Variants in FAM162B observed in about 807,000 individuals in gnomAD.
The protein encoded by FAM162B is family with sequence similarity 162 member B.
In FAM162B, 16 loss-of-function variants were observed where a neutral mutation model predicts 20.0. The ratio of observed to expected loss-of-function variants is 0.80; its 90% CI spans 0.54 to 1.21. The LOEUF (loss-of-function observed/expected upper bound fraction) is 1.21. FAM162B is among the 50% of genes most tolerant of loss of function. The pLI is 0.00. For missense variants in FAM162B, 260 were observed against 227.5 expected, an observed-to-expected ratio of 1.14 and a Z score of -0.92; for synonymous variants, 83 against 89.7, an observed-to-expected ratio of 0.93 and a Z score of 0.42.
At chr6:116,762,959 T>C (rs1771821160) in intron 2 of FAM162B, among the ~76,000 whole-genome samples, 1 of 152,076 alleles carries the variant, frequency 6.6e-6, no homozygotes, top group South Asian at 2.1e-4. Flanking sequence ...TTCCTCTCTA[T>C]GTGCAGTTTA....
In FAM162B at chr6:116,765,174, G is replaced by T; in HGVS notation, c.254C>A (p.Ser85Ter). The part of the protein sequence containing the change: ...KILLWTGRFK[S>*]MEEIPPRIPP... The stretch of plus-strand genomic sequence containing the variant: ...GATCCGAGGCGGGATCTCCTCCATC[G>T]ATTTGAAACGCCCTGTCCACAGCAG... The change falls in exon 2 of 4, where the codon TCG (serine) becomes TAG (stop). Residue 85 changes from serine (S) to a stop codon, truncating the protein, a stop_gained. Transcript: ENST00000368557. LOFTEE classifies it high-confidence loss of function. 1 of 1,613,764 alleles carries T rather than the reference G, an allele frequency of 6.2e-7. No individual in the cohort carries two copies.
At chr6:116,759,502 C>T (rs571384842) in intron 3 of FAM162B, among the ~76,000 whole-genome samples, 3 of 151,630 alleles carry the variant, frequency 2.0e-5, no homozygotes, top group Non-Finnish European at 2.9e-5. Flanking sequence ...AGTGACGGAG[C>T]TTCACCGTGT....
chr6:116,758,398 G>A (rs1393909464), intron 3 of FAM162B, among the ~76,000 whole-genome samples: 1 of 152,090 alleles, frequency 6.6e-6, no homozygotes, highest in Non-Finnish European at 1.5e-5. Flanking sequence ...CTGCCTTTTT[G>A]TATCTTTCAC....
intron 3 of FAM162B, among the ~76,000 whole-genome samples, chr6:116,756,081 A>T (rs1052239371): frequency 5.3e-5 from 8 of 152,344 alleles, no homozygotes; most frequent in African/African-American, 1.7e-4. Context: ...TTGTTATTTA[A>T]GAAACACATT....
At chr6:116,755,736 C>G (rs562592540) in intron 3 of FAM162B, among the ~76,000 whole-genome samples, 1 of 152,098 alleles carries the variant, frequency 6.6e-6, no homozygotes, top group Non-Finnish European at 1.5e-5. Context: ...CAGCTGATGA[C>G]TTTAAGTGGA....
rs749188974 is a variant in FAM162B at position 116,752,708 on chromosome 6, AG to A, written c.391-14del. 2.6e-4 allele frequency: 246 copies of A among 957,422 alleles called. No homozygotes were observed. Among genetic ancestry groups the A allele is most frequent in the Admixed American group, 4.8e-4 (21 of 43,762 alleles). 59.3% of individuals were successfully genotyped at this position (957,422 alleles called of 1,614,324 possible). A position where few individuals can be genotyped will look rare whatever the true frequency, so the allele number is the denominator to read the frequency against. ...GTCGTTCTACAGCCTGTGGGGGGGA[AG>A]AAATATATATATATATATATATATA... On this transcript the variant is annotated splice_polypyrimidine_tract_variant and intron_variant, in intron 3 of 3. Coordinates refer to ENST00000368557, the MANE Select transcript of FAM162B (RefSeq NM_001085480.3).
intron 3 of FAM162B, among the ~76,000 whole-genome samples, chr6:116,757,866 G>A (rs919988278): frequency 2.6e-5 from 4 of 152,080 alleles, no homozygotes; most frequent in Non-Finnish European, 1.5e-5. Flanking sequence ...TTGATGGAGC[G>A]TTTGAGGCAC....
Position 116,765,474 on chromosome 6 carries a change from G to A in FAM162B, c.103C>T (p.Leu35Phe), listed in dbSNP as rs775366828. 2 of 1,418,420 alleles carry A rather than the reference G, an allele frequency of 1.4e-6. No homozygotes were observed. The highest frequency in any genetic ancestry group is 9.2e-7 in the Non-Finnish European group (1 of 1,089,782). The allele number at this position is 1,418,420 out of a possible 1,614,324, so 87.9% of individuals were successfully genotyped here. A position where few individuals can be genotyped will look rare whatever the true frequency, so the allele number is the denominator to read the frequency against. Residue 35 changes from leucine (L) to phenylalanine (F), a missense_variant, in exon 1 of 4, where the codon CTT (leucine) becomes TTT (phenylalanine). Physicochemically the swap from Leu to Phe is conservative, Grantham distance 22 (BLOSUM62 0). Transcript: ENST00000368557. Reference sequence around the variant, plus strand: ...TAGCAGGGGAGACCCCGGGGCGGAAGAGCCGGTGCGGGCCGTCGCGTGGCC... The same window carrying A: ...TAGCAGGGGAGACCCCGGGGCGGAAAAGCCGGTGCGGGCCGTCGCGTGGCC... ...LEATRRPAPA[L>F]PPRGLPCYSS...
chr6:116,762,075 T>C lies in FAM162B; in HGVS notation c.292A>G (p.Ile98Val). 6.3e-7 allele frequency: 1 copy of C among 1,584,758 alleles called. No homozygotes were observed. Among genetic ancestry groups the C allele is most frequent in the Non-Finnish European group, 8.6e-7 (1 of 1,158,786 alleles). ...EIPPRIPPEMIDTARNKARVK... is the reference protein window; with the variant it reads ...EIPPRIPPEMVDTARNKARVK... The stretch of plus-strand genomic sequence containing the variant: ...CGAGCTTTGTTTCTTGCGGTGTCTA[T>C]CATTTCTGGCCTAAACAAAGATGTG... The change falls in exon 3 of 4, where the codon ATA becomes GTA. Residue 98 changes from isoleucine (I) to valine (V), a missense_variant. Coordinates refer to ENST00000368557, the MANE Select transcript of FAM162B (RefSeq NM_001085480.3).
rs1771903434 is a variant in FAM162B, at chr6:116,765,676, A to C, written c.-100T>G. On this transcript the variant is annotated 5_prime_UTR_variant, in exon 1 of 4. Transcript: ENST00000368557. ...CCCGCCCCGGCCTGCCGCGCGCTGG[A>C]GAGCCTGGGACGTGCAGCTGGAACC... 4.1e-6 allele frequency: 5 copies of C among 1,216,858 alleles called. No individual in the cohort carries two copies. The highest frequency in any genetic ancestry group is 5.1e-6 in the Non-Finnish European group (5 of 971,868). The allele number at this position is 1,216,858 out of a possible 1,614,324, so 75.4% of individuals were successfully genotyped here.
chr6:116,762,146 G>T (rs180990929), intron 2 of FAM162B, 61 bp from the exon 3 acceptor site: 3 of 1,364,118 alleles, frequency 2.2e-6, no homozygotes, highest in South Asian at 1.7e-5. Context: ...TGACAGGCAT[G>T]ATAGATAATT....
chr6:116,752,741 CGTATATATATATATATACATATAT>C (rs1562466667), intron 3 of FAM162B, 46 bp from the exon 4 acceptor site: 2 of 471,852 alleles, frequency 4.2e-6, no homozygotes, highest in South Asian at 6.1e-5. Flanking sequence ...TATAGATACA[CGTATATATATATATATACATATAT>C]GTATATATAT....
At chr6:116,765,298 C>A in intron 1 of FAM162B, 43 bp from the exon 2 acceptor site, 1 of 1,601,144 alleles carries the variant, frequency 6.2e-7, no homozygotes, top group Non-Finnish European at 8.5e-7. Flanking sequence ...ACTGACGCAC[C>A]GGCACAGAGG....
In FAM162B at chr6:116,760,651, C is replaced by T. The variant is rs1288538320; in HGVS notation, c.390+1326G>A. Among the ~76,000 whole-genome samples, 6 of 152,190 alleles carry T rather than the reference C, an allele frequency of 3.9e-5. No individual in the cohort carries two copies. In the East Asian group the frequency reaches 7.7e-4, roughly 20 times the overall value. On this transcript the variant is annotated intron_variant, in intron 3 of 3. Transcript: ENST00000368557. ...ATCAATTTGGCAGGCAGTCATTTAACGTTAGGTTAAAAACAAAATATTATC... is the reference window on the plus strand; with the variant it reads ...ATCAATTTGGCAGGCAGTCATTTAATGTTAGGTTAAAAACAAAATATTATC...
Position 116,765,588 on chromosome 6 carries a change from G to T in FAM162B, c.-12C>A. ...ACCGCCCTGAGCATGCTGCCCGCTT[G>T]TCCCGCGCCGCACCCGCACCTCCGG... is the stretch of plus-strand genomic sequence containing the variant. On this transcript the variant is annotated 5_prime_UTR_variant, in exon 1 of 4. Coordinates refer to ENST00000368557, the MANE Select transcript of FAM162B (RefSeq NM_001085480.3). 1 of 1,318,502 alleles carries T rather than the reference G, an allele frequency of 7.6e-7. No homozygotes were observed. The allele number at this position is 1,318,502 out of a possible 1,614,324, so 81.7% of individuals were successfully genotyped here. A position where few individuals can be genotyped will look rare whatever the true frequency, so the allele number is the denominator to read the frequency against.
chr6:116,763,639 G>A (rs1310668378), intron 2 of FAM162B, among the ~76,000 whole-genome samples: 1 of 152,116 alleles, frequency 6.6e-6, no homozygotes, highest in African/African-American at 2.4e-5. Flanking sequence ...ATACAGCTAT[G>A]TTAAATGCAA....
intron 3 of FAM162B, among the ~76,000 whole-genome samples, chr6:116,756,195 A>C (rs1780049089): frequency 6.6e-6 from 1 of 152,192 alleles, no homozygotes; most frequent in Non-Finnish European, 1.5e-5. Context: ...TGCCATTAAG[A>C]ATATTTGTGA....
At chr6:116,757,074 C>T (rs533968940) in intron 3 of FAM162B, among the ~76,000 whole-genome samples, 2 of 152,166 alleles carry the variant, frequency 1.3e-5, no homozygotes, top group East Asian at 3.9e-4. Flanking sequence ...ATCCATTTGG[C>T]ACAAAATTCA....
intron 3 of FAM162B, among the ~76,000 whole-genome samples, chr6:116,755,762 G>A (rs1780044633): frequency 6.6e-6 from 1 of 152,120 alleles, no homozygotes; most frequent in African/African-American, 2.4e-5. Flanking sequence ...ATACTCATTA[G>A]CATTCTGAAA....
Sources: allele counts gnomAD v4.1 joint callset (sites outside exome capture counted in the v4.1 genomes callset), GRCh38; gene constraint gnomAD v4.1.1; transcripts MANE v1.5; gene names NCBI Gene and HGNC (gene_info 2026-07-23, HGNC 2026-07-21).